Variants in NOL4 observed in about 807,000 individuals in gnomAD.
The protein encoded by NOL4 is nucleolar protein 4.
Under a neutral mutation model 75.9 loss-of-function variants are expected in NOL4, and 17 were observed. The ratio of observed to expected loss-of-function variants is 0.22; its 90% confidence interval spans 0.15 to 0.34. The LOEUF (loss-of-function observed/expected upper bound fraction) is 0.34. Ranked by LOEUF, NOL4 falls within the 10% of genes least tolerant of loss-of-function variation. The pLI, the probability that NOL4 is intolerant of heterozygous loss-of-function variation, is 1.00. For synonymous variants in NOL4, 292 were observed against 289.9 expected (o/e 1.01, Z -0.07); for missense variants, 614 against 793.5 (o/e 0.77, Z 2.72).
chr18:33,930,679 T>A (rs2067628317), intron 9 of NOL4, among the ~76,000 whole-genome samples: 1 of 152,146 alleles, frequency 6.6e-6, no homozygotes, highest in Admixed American at 6.6e-5. Context: ...AAAGCACACA[T>A]TTTTTAGGAC....
At chr18:33,956,264 T>G (rs2145719493) in intron 8 of NOL4, among the ~76,000 whole-genome samples, 1 of 152,324 alleles carries the variant, frequency 6.6e-6, no homozygotes, top group African/African-American at 2.4e-5. Context: ...TAATGGTTAC[T>G]TAACTCATTG....
intron 10 of NOL4, among the ~76,000 whole-genome samples, chr18:33,859,460 G>T (rs1375175735): frequency 2.0e-5 from 3 of 152,104 alleles, no homozygotes; most frequent in Admixed American, 6.5e-5. Context: ...TTTTTCTGGT[G>T]TAACTTTTTT....
At chr18:33,910,475 T>C (rs2066333117) in intron 9 of NOL4, among the ~76,000 whole-genome samples, 1 of 151,958 alleles carries the variant, frequency 6.6e-6, no homozygotes, top group African/African-American at 2.4e-5. Context: ...ACATTCCCTC[T>C]CCCAGGGCCT....
intron 6 of NOL4, among the ~76,000 whole-genome samples, chr18:33,960,626 C>G (rs1215515471): frequency 2.0e-5 from 3 of 152,076 alleles, no homozygotes; most frequent in Non-Finnish European, 4.4e-5. Flanking sequence ...TTATGGGCAG[C>G]TATTATGCAT....
In NOL4 at chr18:33,898,008, G is replaced by A. The variant is rs540826203; in HGVS notation, c.1543-14584C>T. On this transcript the variant is annotated intron_variant, in intron 9 of 10. Coordinates refer to ENST00000261592, the MANE Select transcript of NOL4 (RefSeq NM_003787.5). ...AACTCACTGCAGCCTTGACTTCCTGGGCAATCCTCGCACCTCAGCCTCCTG... is the reference window on the plus strand; with the variant it reads ...AACTCACTGCAGCCTTGACTTCCTGAGCAATCCTCGCACCTCAGCCTCCTG... Among the ~76,000 whole-genome samples the A allele has an allele frequency of 5.9e-5, 9 of 152,022 alleles. No individual in the cohort carries two copies. The South Asian group carries it at 1.5e-3, about 25-fold the overall frequency.
intron 9 of NOL4, among the ~76,000 whole-genome samples, chr18:33,895,130 T>C (rs938390244): frequency 6.6e-5 from 10 of 152,064 alleles, no homozygotes; most frequent in Non-Finnish European, 2.9e-5. Context: ...ATAATATGAA[T>C]AAATTCCTTA....
chr18:34,163,414 T>C (rs1324149531), intron 1 of NOL4, among the ~76,000 whole-genome samples: 1 of 151,816 alleles, frequency 6.6e-6, no homozygotes, highest in Non-Finnish European at 1.5e-5. Context: ...AAAATCAATG[T>C]ACAAAAATCA....
intron 1 of NOL4, among the ~76,000 whole-genome samples, chr18:34,215,805 G>T (rs548886864): frequency 6.6e-6 from 1 of 152,198 alleles, no homozygotes; most frequent in East Asian, 1.9e-4. Flanking sequence ...ATATAATTTT[G>T]CTCCCCCAAA....
At chr18:33,953,261 T>A (rs2069381042) in intron 8 of NOL4, among the ~76,000 whole-genome samples, 1 of 150,202 alleles carries the variant, frequency 6.7e-6, no homozygotes, top group South Asian at 2.1e-4. Context: ...CAAATACACA[T>A]TCATTTTTTC....
chr18:34,062,577 A>C (rs982253166), intron 5 of NOL4, among the ~76,000 whole-genome samples: 7 of 152,096 alleles, frequency 4.6e-5, no homozygotes, highest in Admixed American at 1.3e-4. Context: ...CCCCATTTGA[A>C]ATTTTCAAAA....
At chr18:33,928,560 T>TGA in intron 9 of NOL4, among the ~76,000 whole-genome samples, 1 of 152,162 alleles carries the variant, frequency 6.6e-6, no homozygotes, top group East Asian at 1.9e-4. Flanking sequence ...GCCATCTACA[T>TGA]GTCTCACAGT....
At chr18:34,119,036 A>G (rs1056078331) in intron 2 of NOL4, among the ~76,000 whole-genome samples, 3 of 152,196 alleles carry the variant, frequency 2.0e-5, no homozygotes, top group Non-Finnish European at 4.4e-5. Context: ...GGAATTATCT[A>G]TTGGTAGTTA....
intron 2 of NOL4, among the ~76,000 whole-genome samples, chr18:34,116,434 G>C (rs1355802269): frequency 6.6e-6 from 1 of 152,132 alleles, no homozygotes; most frequent in Admixed American, 6.5e-5. Flanking sequence ...CCAAATACTG[G>C]CCATTCCTGA....
chr18:34,200,995 A>T (rs1282323814), intron 1 of NOL4, among the ~76,000 whole-genome samples: 1 of 151,764 alleles, frequency 6.6e-6, no homozygotes, highest in Non-Finnish European at 1.5e-5. Flanking sequence ...TTAATATAAT[A>T]CTATACTCCT....
rs894165783 is a variant in NOL4 at position 34,186,278 on chromosome 18, C to CAACA, written c.264+36708_264+36711dup. Among the ~76,000 whole-genome samples, 10 of 152,132 alleles carry CAACA rather than the reference C, an allele frequency of 6.6e-5. No homozygotes were observed. In the East Asian group the frequency reaches 7.7e-4, roughly 12 times the overall value. On this transcript the variant is annotated intron_variant, in intron 1 of 10. Transcript: ENST00000261592. The stretch of plus-strand genomic sequence containing the variant: ...TGCTACTGTCCAAAATAAGAAAGCA[C>CAACA]AACAAACAAACAAACAACAACAACA...
chr18:34,025,734 T>C (rs2075307795), intron 5 of NOL4, among the ~76,000 whole-genome samples: 1 of 152,078 alleles, frequency 6.6e-6, no homozygotes, highest in African/African-American at 2.4e-5. Flanking sequence ...ATGAAAGGCT[T>C]TTTCTCTTGG....
At chr18:33,926,205 C>T (rs2067313209) in intron 9 of NOL4, among the ~76,000 whole-genome samples, 2 of 151,594 alleles carry the variant, frequency 1.3e-5, no homozygotes, top group Admixed American at 1.3e-4. Flanking sequence ...ACTAAAAATA[C>T]AAAAATTAGC....
At chr18:34,159,050 CAA>C (rs1568404486) in intron 1 of NOL4, among the ~76,000 whole-genome samples, 7 of 152,194 alleles carry the variant, frequency 4.6e-5, no homozygotes, top group African/African-American at 1.7e-4. Context: ...GATGCTGGGG[CAA>C]AAGAGAGCTC....
chr18:34,189,504 G>T (rs1214487728), intron 1 of NOL4, among the ~76,000 whole-genome samples: 1 of 152,070 alleles, frequency 6.6e-6, no homozygotes, highest in Non-Finnish European at 1.5e-5. Context: ...AAAATTCATT[G>T]GGTGTTTACT....
Sources: gnomAD v4.1 joint callset for allele counts (sites outside exome capture counted in the v4.1 genomes callset) on GRCh38, gnomAD v4.1.1 for gene constraint, MANE v1.5 for transcripts, NCBI Gene and HGNC (gene_info 2026-07-23, HGNC 2026-07-21) for gene names.